Variants in MAP4K3 observed in about 807,000 individuals in gnomAD.
The protein encoded by MAP4K3 is MAPK/ERK kinase kinase kinase 3.
Under a neutral mutation model 143.5 loss-of-function variants are expected in MAP4K3, and 94 were observed. That is an observed-to-expected ratio of 0.65 (90% CI 0.55 to 0.78). The LOEUF (loss-of-function observed/expected upper bound fraction) is 0.78. MAP4K3 is among the 30% of genes least tolerant of loss of function. MAP4K3 has a pLI of 0.00. For missense variants in MAP4K3, 1,077 were observed against 1,068.1 expected, an observed-to-expected ratio of 1.01 and a Z score of -0.12; for synonymous variants, 416 against 347.2, an observed-to-expected ratio of 1.20 and a Z score of -2.20.
At chr2:39,358,590 CTA>C (rs1385273667) in intron 2 of MAP4K3, among the ~76,000 whole-genome samples, 9 of 152,188 alleles carry the variant, frequency 5.9e-5, no homozygotes, top group South Asian at 2.1e-4. Context: ...TAAGTCAACT[CTA>C]TGTGATTGTG....
intron 4 of MAP4K3, 73 bp from the exon 5 acceptor site, chr2:39,337,654 A>T: frequency 1.0e-6 from 1 of 1,002,424 alleles, no homozygotes; most frequent in Non-Finnish European, 1.6e-6. Context: ...AAGTTTTACA[A>T]GTTTAAGCAA....
chr2:39,293,558 T>C (rs1196825459), intron 16 of MAP4K3, among the ~76,000 whole-genome samples: 1 of 152,140 alleles, frequency 6.6e-6, no homozygotes, highest in African/African-American at 2.4e-5. Context: ...CAACTCACCA[T>C]GGAATGTCAC....
intron 1 of MAP4K3, among the ~76,000 whole-genome samples, chr2:39,398,354 T>C (rs1205194215): frequency 2.0e-5 from 3 of 151,552 alleles, no homozygotes; most frequent in African/African-American, 7.3e-5. Context: ...ACGAGAGAGC[T>C]CCATGGAATA....
intron 1 of MAP4K3, among the ~76,000 whole-genome samples, chr2:39,396,790 G>T (rs1207709959): frequency 6.6e-6 from 1 of 152,120 alleles, no homozygotes; most frequent in Admixed American, 6.5e-5. Flanking sequence ...TTTAACTTAT[G>T]AAAGTTTTTC....
chr2:39,413,220 T>G (rs910426372), intron 1 of MAP4K3, among the ~76,000 whole-genome samples: 9 of 152,260 alleles, frequency 5.9e-5, no homozygotes, highest in African/African-American at 2.2e-4. Flanking sequence ...AATACATGAG[T>G]AACCAAGTTC....
At chr2:39,431,352 G>A (rs149420628) in intron 1 of MAP4K3, among the ~76,000 whole-genome samples, 146 of 152,238 alleles carry the variant, frequency 9.6e-4, no homozygotes, top group Admixed American at 3.1e-3. Flanking sequence ...AGAAGAAAGG[G>A]ACCTAAGGTT....
chr2:39,281,689 C>G (rs17023573), intron 22 of MAP4K3, among the ~76,000 whole-genome samples: 1 of 151,906 alleles, frequency 6.6e-6, no homozygotes, highest in East Asian at 1.9e-4. Flanking sequence ...TTTTATCTTA[C>G]AGTCAAGTGG....
chr2:39,258,303 T>G (rs201718515), intron 31 of MAP4K3, 45 bp downstream of exon 31: 1 of 1,198,858 alleles, frequency 8.3e-7, no homozygotes, highest in East Asian at 2.4e-5. Context: ...AGATAAATTA[T>G]TTTAAGGAGT....
chr2:39,398,413 C>A (rs150629748), intron 1 of MAP4K3, among the ~76,000 whole-genome samples: 1 of 151,810 alleles, frequency 6.6e-6, no homozygotes, highest in African/African-American at 2.4e-5. Context: ...TAGCCTTTTG[C>A]ATAAAGTCTA....
chr2:39,260,507 C>A, intron 29 of MAP4K3, 99 bp downstream of exon 29: 2 of 852,260 alleles, frequency 2.3e-6, no homozygotes, highest in Non-Finnish European at 3.7e-6. Flanking sequence ...TGAAGACTGG[C>A]AGTATATGCA....
intron 3 of MAP4K3, among the ~76,000 whole-genome samples, chr2:39,351,610 AGTT>A (rs779474657): frequency 4.6e-5 from 7 of 152,202 alleles, no homozygotes; most frequent in Non-Finnish European, 7.4e-5. Flanking sequence ...TACTTATTTA[AGTT>A]GTTATGAGGT....
chr2:39,286,476 C>T (rs1369691454), intron 21 of MAP4K3, among the ~76,000 whole-genome samples: 2 of 152,092 alleles, frequency 1.3e-5, no homozygotes, highest in East Asian at 1.9e-4. Flanking sequence ...TCCTTCTTTC[C>T]GTAACTTCAT....
intron 12 of MAP4K3, among the ~76,000 whole-genome samples, chr2:39,320,182 T>A (rs1558644609): frequency 6.6e-6 from 1 of 152,158 alleles, no homozygotes; most frequent in African/African-American, 2.4e-5. Flanking sequence ...TAAATATAAA[T>A]AAATAGTCAA....
intron 20 of MAP4K3, among the ~76,000 whole-genome samples, chr2:39,287,492 G>A (rs150281172): frequency 0.023 from 3,469 of 151,888 alleles, 133 homozygotes; most frequent in African/African-American, 0.08. Flanking sequence ...TAGTAGAGAT[G>A]GAGTTTCACC....
At chr2:39,430,752 C>T (rs1487104348) in intron 1 of MAP4K3, among the ~76,000 whole-genome samples, 1 of 152,104 alleles carries the variant, frequency 6.6e-6, no homozygotes, top group Non-Finnish European at 1.5e-5. Flanking sequence ...ATGAACATTG[C>T]TTAATATGCC....
At chr2:39,258,049 A>G (rs1680416042) in intron 31 of MAP4K3, among the ~76,000 whole-genome samples, 1 of 151,972 alleles carries the variant, frequency 6.6e-6, no homozygotes, top group African/African-American at 2.4e-5. Flanking sequence ...CTCATGCCTC[A>G]GCTTCCCAAG....
At chr2:39,417,127 T>C (rs1288174241) in intron 1 of MAP4K3, among the ~76,000 whole-genome samples, 2 of 152,168 alleles carry the variant, frequency 1.3e-5, no homozygotes, top group South Asian at 2.1e-4. Context: ...GTAACAGAGT[T>C]GTGAAAATTT....
intron 8 of MAP4K3, among the ~76,000 whole-genome samples, chr2:39,326,553 G>A (rs1357862131): frequency 6.6e-6 from 1 of 152,098 alleles, no homozygotes; most frequent in Non-Finnish European, 1.5e-5. Context: ...TTGGACTTCT[G>A]GGTTAATGCT....
chr2:39,263,768 A>C (rs1680665302), intron 28 of MAP4K3, among the ~76,000 whole-genome samples: 1 of 152,174 alleles, frequency 6.6e-6, no homozygotes, highest in Non-Finnish European at 1.5e-5. Flanking sequence ...GCCTCATTAG[A>C]GCCAGGCCAA....
Sources: gnomAD v4.1 joint callset for allele counts (sites outside exome capture counted in the v4.1 genomes callset) on GRCh38, gnomAD v4.1.1 for gene constraint, MANE v1.5 for transcripts, NCBI Gene and HGNC (gene_info 2026-07-23, HGNC 2026-07-21) for gene names.